The following LTBP4 variants were observed in gnomAD, a reference collection of about 807,000 sequenced individuals.
LTBP4 encodes latent transforming growth factor beta binding protein 4.
In LTBP4, 93 loss-of-function variants were observed where a neutral mutation model predicts 180.2. The observed-to-expected ratio is 0.52, with a 90% confidence interval of 0.44 to 0.61. LTBP4 has a LOEUF of 0.61. Among genes scored for constraint, LTBP4 ranks in the 20% least tolerant of loss-of-function variants. LTBP4 has a pLI of 0.00. For missense variants in LTBP4, 2,116 were observed against 2,256.5 expected (o/e 0.94, Z 1.26); for synonymous variants, 947 against 934.5 (o/e 1.01, Z -0.24).
rs115860256 is a variant in LTBP4, at chr19:40,594,948, T to C, written c.16+1767T>C. 3.7e-3 allele frequency among the ~76,000 whole-genome samples: 545 copies of C among 149,186 alleles called. 2 individuals carry two copies. Among genetic ancestry groups the C allele is most frequent in the African/African-American group, 0.013 (524 of 40,344 alleles). On this transcript the variant is annotated intron_variant, in intron 1 of 32. Transcript: ENST00000204005. The stretch of plus-strand genomic sequence containing the variant: ...AGGAGTGGGGGGTGGGGGGTGCAAC[T>C]GGATCAGTTGCCATTCTTGGTCTGG...
chr19:40,610,030 A>C, intron 11 of LTBP4, 159 bp downstream of exon 11: 18 of 973,822 alleles, frequency 1.8e-5, no homozygotes, highest in Admixed American at 1.0e-4. Context: ...ACCCGCCTCC[A>C]CCCAGCTCCA....
At chr19:40,610,952 C>T (rs1315565752) in intron 12 of LTBP4, 200 bp from the exon 13 acceptor site, 2 of 761,354 alleles carry the variant, frequency 2.6e-6, no homozygotes, top group Non-Finnish European at 4.1e-6. Flanking sequence ...GAGAAGGAGG[C>T]CTTCTCATGG....
intron 6 of LTBP4, among the ~76,000 whole-genome samples, chr19:40,607,029 G>A (rs377094951): frequency 9.1e-4 from 139 of 152,306 alleles, no homozygotes; most frequent in Middle Eastern, 3.4e-3. Flanking sequence ...GGGATTACAG[G>A]CGTAAGCCAC....
At chr19:40,602,306 G>A (rs377642466) in intron 1 of LTBP4, among the ~76,000 whole-genome samples, 44 of 151,198 alleles carry the variant, frequency 2.9e-4, no homozygotes, top group African/African-American at 1.0e-3. Flanking sequence ...GGGACAGGAG[G>A]TGTATGCACC....
chr19:40,598,677 C>G (rs537348536), upstream of LTBP4: 54 of 185,004 alleles, frequency 2.9e-4, 1 homozygote, highest in East Asian at 6.7e-3. Context: ...ACTGTGACTC[C>G]CGTTATCCCC....
Position 40,622,654 on chromosome 19 carries a change from G to A in LTBP4, c.3471G>A (p.Pro1157=), listed in dbSNP as rs200326793. Residue 1157 remains proline (P), a synonymous_variant, in exon 23 of 30, where the codon CCG becomes CCA. Transcript: ENST00000396819. This position sits in a 1 kb window ranked among gnomAD's most constrained non-coding sequence, Gnocchi z 5.1. The stretch of plus-strand genomic sequence containing the variant: ...GCGGCTGCCGCATCCAGCAGTGCCC[G>A]GGCACCGAGACAGGTGGGCATGGGC... ...WGSGCRIQQC[P]GTETAEYQSL... is the part of the protein sequence containing the mutation. 1.7e-4 allele frequency: 274 copies of A among 1,602,742 alleles called. No individual in the cohort carries two copies. In the African/African-American group the frequency reaches 2.8e-3, roughly 16 times the overall value.
chr19:40,622,838 T>G lies in LTBP4; in HGVS notation c.3485-112T>G. 1.4e-6 allele frequency: 2 copies of G among 1,385,986 alleles called. No homozygotes were observed. Among genetic ancestry groups the G allele is most frequent in the Non-Finnish European group, 2.0e-6 (2 of 1,015,442 alleles). 85.9% of individuals were successfully genotyped at this position (1,385,986 alleles called of 1,614,324 possible). ...CATGGGCAGACATAAGGCTGAGAGG[T>G]GGGCACTAACAGGCACAGGGCCAGA... On this transcript the variant is annotated intron_variant, in intron 23 of 29. Transcript: ENST00000396819. The surrounding 1 kb of genome is among the most constrained non-coding windows in gnomAD (Gnocchi z 5.1).
intron 19 of LTBP4, 119 bp from the exon 20 acceptor site, chr19:40,616,770 G>A: frequency 8.3e-7 from 1 of 1,209,014 alleles, no homozygotes; most frequent in Non-Finnish European, 1.2e-6. Flanking sequence ...ATCTTCAGAA[G>A]CTCAGGCTCC....
chr19:40,601,774 G>A, intron 1 of LTBP4, 137 bp downstream of exon 1: 1 of 737,994 alleles, frequency 1.4e-6, no homozygotes, highest in Admixed American at 4.4e-5. Flanking sequence ...GGGGCTATTT[G>A]AGGAAGGGGG....
Position 40,605,552 on chromosome 19 carries a change from C to T in LTBP4, c.590C>T (p.Ala197Val). ...GAAGCGGCGGCGCGGGCGGAGGCGG[C>T]AGCGCCCTACACGGTGTTGGCACAG... ...RAEAAARAEA[A>V]APYTVLAQSA... is the part of the protein sequence containing the mutation. The change falls in exon 3 of 30, where the codon GCA becomes GTA. Residue 197 changes from alanine (A) to valine (V), a missense_variant. Physicochemically the swap from Ala to Val is moderately conservative, Grantham distance 64 (BLOSUM62 0). Transcript: ENST00000396819. This position sits in a 1 kb window ranked among gnomAD's most constrained non-coding sequence, Gnocchi z 5.5. The T allele has an allele frequency of 6.2e-7, 1 of 1,604,800 alleles. No individual in the cohort carries two copies. The highest frequency in any genetic ancestry group is 8.5e-7 in the Non-Finnish European group (1 of 1,176,768).
chr19:40,628,685 C>T (rs1486022910), intron 29 of LTBP4, among the ~76,000 whole-genome samples: 1 of 152,092 alleles, frequency 6.6e-6, no homozygotes. Context: ...CACTGATTTA[C>T]AATAACATTG....
In LTBP4 at chr19:40,607,354, G is replaced by C. The variant is rs367929270; in HGVS notation, c.992-11G>C. ...CCCCGCCCTGAAGGATTTCCTCCCT[G>C]CTCCTCGCAGCCCAACACGTGATCT... On this transcript the variant is annotated splice_polypyrimidine_tract_variant and intron_variant, in intron 6 of 29. Coordinates refer to ENST00000396819, the MANE Select transcript of LTBP4 (RefSeq NM_001042545.2). 255 of 1,589,186 alleles carry C rather than the reference G, an allele frequency of 1.6e-4. No individual in the cohort carries two copies. The highest frequency in any genetic ancestry group is 2.0e-4 in the Non-Finnish European group (239 of 1,168,236).
In LTBP4 at chr19:40,604,121, G is replaced by A. The variant is rs897526563; in HGVS notation, c.251-914G>A. 3.9e-5 allele frequency among the ~76,000 whole-genome samples: 6 copies of A among 152,352 alleles called. No homozygotes were observed. In the East Asian group the frequency reaches 1.2e-3, roughly 29 times the overall value. The stretch of plus-strand genomic sequence containing the variant: ...AACTAGGGCACCCGGACAGCCTGGA[G>A]GTGGGGTGGGAGGGGCGTGAACAAG... On this transcript the variant is annotated intron_variant, in intron 1 of 29. Coordinates refer to ENST00000396819, the MANE Select transcript of LTBP4 (RefSeq NM_001042545.2).
intron 21 of LTBP4, among the ~76,000 whole-genome samples, chr19:40,618,099 T>C (rs1307801827): frequency 6.6e-6 from 1 of 152,054 alleles, no homozygotes; most frequent in Non-Finnish European, 1.5e-5. Flanking sequence ...GGTCTTGCTC[T>C]GTTGCCCAGG....
intron 22 of LTBP4, among the ~76,000 whole-genome samples, chr19:40,620,864 T>C (rs2081581949): frequency 6.6e-6 from 1 of 151,964 alleles, no homozygotes; most frequent in African/African-American, 2.4e-5. Flanking sequence ...GCTTTTTACC[T>C]GGGTATATTT....
chr19:40,623,670 C>T lies in LTBP4; in HGVS notation c.3623C>T (p.Pro1208Leu), dbSNP rs1309261269. 2.5e-6 allele frequency: 4 copies of T among 1,613,916 alleles called. No individual in the cohort carries two copies. The highest frequency in any genetic ancestry group is 3.4e-6 in the Non-Finnish European group (4 of 1,179,886). The part of the protein sequence containing the change: ...CKSGVCVNTA[P>L]GYSCYCSNGY... ...AGTGGCGTGTGTGTGAACACGGCCC[C>T]GGGCTACTCATGCTATTGCAGCAAC... Residue 1208 changes from proline (P) to leucine (L), a missense_variant, in exon 25 of 30, where the codon CCG becomes CTG. By Grantham distance (98) the Pro-to-Leu change is moderately conservative. This residue lies in a region of LTBP4 where 278 missense variants were observed against 373.0 expected (regional missense o/e 0.75). Coordinates refer to ENST00000396819, the MANE Select transcript of LTBP4 (RefSeq NM_001042545.2).
At chr19:40,620,076 G>C (rs1331279769) in intron 22 of LTBP4, among the ~76,000 whole-genome samples, 3 of 152,132 alleles carry the variant, frequency 2.0e-5, no homozygotes, top group Non-Finnish European at 4.4e-5. Context: ...CATGTGAGAA[G>C]AACTGAAACA....
chr19:40,607,030 C>T (rs2081467730), intron 6 of LTBP4, among the ~76,000 whole-genome samples: 1 of 152,188 alleles, frequency 6.6e-6, no homozygotes, highest in Non-Finnish European at 1.5e-5. Flanking sequence ...GGATTACAGG[C>T]GTAAGCCACT....
At chr19:40,626,824 C>G (rs2081636662) in intron 27 of LTBP4, 151 bp from the exon 28 acceptor site, 28 of 935,178 alleles carry the variant, frequency 3.0e-5, no homozygotes. Flanking sequence ...CCAGTCTCAG[C>G]CTTCAGATTC....
Sources: gnomAD v4.1 joint callset for allele counts (sites outside exome capture counted in the v4.1 genomes callset) on GRCh38, gnomAD v4.1.1 for gene constraint, gnomAD v4.1.1 regional missense constraint, Gnocchi (gnomAD v3.1) non-coding constraint, MANE v1.5 for transcripts, NCBI Gene and HGNC (gene_info 2026-07-23, HGNC 2026-07-21) for gene names.